Variants in ERBB4 observed in about 807,000 individuals in gnomAD.
The protein encoded by ERBB4 is erb-b2 receptor tyrosine kinase 4.
A neutral mutation model predicts 158.0 loss-of-function variants in ERBB4; 42 were observed. The ratio of observed to expected loss-of-function variants is 0.27; its 90% CI spans 0.21 to 0.34. The LOEUF (loss-of-function observed/expected upper bound fraction) is 0.34. Among genes scored for constraint, ERBB4 ranks in the 10% least tolerant of loss-of-function variants. The pLI is 1.00. For missense variants in ERBB4, 1,333 were observed against 1,624.1 expected, an observed-to-expected ratio of 0.82 and a Z score of 3.08; for synonymous variants, 583 against 558.7, an observed-to-expected ratio of 1.04 and a Z score of -0.61.
intron 1 of ERBB4, among the ~76,000 whole-genome samples, chr2:212,376,982 C>T (rs1234103420): frequency 1.3e-5 from 2 of 151,828 alleles, no homozygotes; most frequent in Admixed American, 6.6e-5. Flanking sequence ...AACTTCTGGG[C>T]TGTAGACACA....
In ERBB4 at chr2:212,135,334, G is replaced by A. The variant is rs534737777; in HGVS notation, c.83-10431C>T. 4.6e-5 allele frequency among the ~76,000 whole-genome samples: 7 copies of A among 152,256 alleles called. No homozygotes were observed. The South Asian group carries it at 1.5e-3, about 32-fold the overall frequency. On this transcript the variant is annotated intron_variant, in intron 1 of 27. Coordinates refer to ENST00000342788, the MANE Select transcript of ERBB4 (RefSeq NM_005235.3). ...CTTCTATGAGTAATATGGTTTTTGA[G>A]TAGTCTACCTTGATATAGTCTTCCC... is the stretch of plus-strand genomic sequence containing the variant.
intron 1 of ERBB4, among the ~76,000 whole-genome samples, chr2:212,333,485 C>G (rs1266848563): frequency 2.6e-5 from 4 of 151,186 alleles, no homozygotes; most frequent in Non-Finnish European, 4.4e-5. Flanking sequence ...TTGAGACCAG[C>G]CTGAGCAATA....
At chr2:211,880,332 G>A (rs565282480) in intron 3 of ERBB4, among the ~76,000 whole-genome samples, 5 of 152,150 alleles carry the variant, frequency 3.3e-5, no homozygotes, top group African/African-American at 7.2e-5. Flanking sequence ...TATGTGGTAC[G>A]CATTATAGTA....
intron 1 of ERBB4, among the ~76,000 whole-genome samples, chr2:212,288,512 C>T (rs1505347): frequency 0.18 from 26,615 of 152,018 alleles, 2,522 homozygotes; most frequent in South Asian, 0.31. Context: ...AGGAAGTTCA[C>T]GCCTTTTGCA....
At position 212,223,544 on chromosome 2, in the gene ERBB4, T is replaced by A; in HGVS notation, c.83-98641A>T. ...TTCAAATTATATAATGGATAAAAATTATTCACATGTTTTTCAATGATCAAA... is the reference window on the plus strand; with the variant it reads ...TTCAAATTATATAATGGATAAAAATAATTCACATGTTTTTCAATGATCAAA... On this transcript the variant is annotated intron_variant, in intron 1 of 27. Coordinates refer to ENST00000342788, the MANE Select transcript of ERBB4 (RefSeq NM_005235.3). 1.3e-5 allele frequency among the ~76,000 whole-genome samples: 2 copies of A among 151,070 alleles called. 1 individual carries two copies. Among genetic ancestry groups the A allele is most frequent in the Non-Finnish European group, 3.0e-5 (2 of 67,514 alleles).
intron 2 of ERBB4, among the ~76,000 whole-genome samples, chr2:212,065,497 C>G (rs542206013): frequency 6.6e-6 from 1 of 152,126 alleles, no homozygotes; most frequent in East Asian, 1.9e-4. Context: ...TATTATTAAT[C>G]AAACATATTT....
At chr2:211,641,441 A>C (rs529484718) in intron 16 of ERBB4, among the ~76,000 whole-genome samples, 1 of 152,262 alleles carries the variant, frequency 6.6e-6, no homozygotes, top group Non-Finnish European at 1.5e-5. Context: ...ACATTTAAAA[A>C]ACCTGTTCAT....
At chr2:212,054,275 G>T (rs984332645) in intron 2 of ERBB4, among the ~76,000 whole-genome samples, 2 of 152,140 alleles carry the variant, frequency 1.3e-5, no homozygotes, top group Non-Finnish European at 2.9e-5. Context: ...TCATTTTTGT[G>T]GTGGAAACAG....
At chr2:212,216,069 T>C (rs1196892508) in intron 1 of ERBB4, among the ~76,000 whole-genome samples, 2 of 151,384 alleles carry the variant, frequency 1.3e-5, no homozygotes, top group Non-Finnish European at 3.0e-5. Flanking sequence ...GCCGGTGTTA[T>C]GGGCAAAATA....
chr2:211,414,092 G>GAGAC (rs1467573205), intron 25 of ERBB4, among the ~76,000 whole-genome samples: 2 of 152,138 alleles, frequency 1.3e-5, no homozygotes, highest in Admixed American at 6.5e-5. Context: ...GGGCGAGTTG[G>GAGAC]AGACTCTCTG....
chr2:211,401,277 ATCTT>A (rs1013620444), intron 25 of ERBB4, among the ~76,000 whole-genome samples: 3 of 152,084 alleles, frequency 2.0e-5, no homozygotes, highest in Non-Finnish European at 4.4e-5. Context: ...CTGAAATAAA[ATCTT>A]TATTATTTTT....
chr2:212,418,407 G>A (rs2091709755), intron 1 of ERBB4, among the ~76,000 whole-genome samples: 1 of 151,554 alleles, frequency 6.6e-6, no homozygotes, highest in Non-Finnish European at 1.5e-5. Flanking sequence ...GTAGTTTAAG[G>A]AGTATTGCTT....
chr2:212,190,548 A>AG (rs2082158824), intron 1 of ERBB4, among the ~76,000 whole-genome samples: 1 of 150,222 alleles, frequency 6.7e-6, no homozygotes, highest in Admixed American at 6.6e-5. Context: ...AAAAAAAAAA[A>AG]AAAAGAAGAA....
At chr2:211,918,450 A>G (rs6435681) in intron 3 of ERBB4, among the ~76,000 whole-genome samples, 121,403 of 152,000 alleles carry the variant, frequency 0.8, 48,652 homozygotes, top group East Asian at 0.92. Context: ...TTAGAGTGAA[A>G]AGACCTTTAC....
At chr2:211,934,557 C>T (rs1455606662) in intron 3 of ERBB4, among the ~76,000 whole-genome samples, 27 of 151,740 alleles carry the variant, frequency 1.8e-4, no homozygotes, top group Admixed American at 1.8e-3. Flanking sequence ...ATTGATTTTC[C>T]TTCCTTCCAC....
In ERBB4 at chr2:211,810,839, A is replaced by AT. The variant is rs563180488; in HGVS notation, c.422-22681dup. ...AGGCGCCCGCCACCGCGCCCGGCTA[A>AT]TTTTTTTTGTATTTTTAGTAGAGAC... On this transcript the variant is annotated intron_variant, in intron 3 of 27. Transcript: ENST00000342788. Among the ~76,000 whole-genome samples the AT allele has an allele frequency of 2.2e-3, 334 of 150,690 alleles. 4 individuals carry two copies. Among genetic ancestry groups the AT allele is most frequent in the African/African-American group, 7.7e-3 (316 of 41,058 alleles).
chr2:212,307,730 T>C (rs968665516), intron 1 of ERBB4, among the ~76,000 whole-genome samples: 1 of 151,222 alleles, frequency 6.6e-6, no homozygotes, highest in African/African-American at 2.4e-5. Context: ...GATCACAGTC[T>C]AGTGTTTAAA....
At chr2:212,451,041 A>T (rs1405730298) in intron 1 of ERBB4, among the ~76,000 whole-genome samples, 1 of 152,158 alleles carries the variant, frequency 6.6e-6, no homozygotes, top group Non-Finnish European at 1.5e-5. Flanking sequence ...TTTTTTGTAA[A>T]GGTGATGACT....
intron 20 of ERBB4, among the ~76,000 whole-genome samples, chr2:211,493,904 C>A (rs760052122): frequency 6.6e-6 from 1 of 152,120 alleles, no homozygotes; most frequent in Non-Finnish European, 1.5e-5. Context: ...TGGCCTCATC[C>A]TGACCTATGA....
Sources: gnomAD v4.1 joint callset for allele counts (sites outside exome capture counted in the v4.1 genomes callset) on GRCh38, gnomAD v4.1.1 for gene constraint, MANE v1.5 for transcripts, NCBI Gene and HGNC (gene_info 2026-07-23, HGNC 2026-07-21) for gene names.